CACNA1C: variants seen among roughly 807,000 people sequenced by gnomAD.
CACNA1C encodes the protein voltage-dependent L-type calcium channel subunit alpha-1C.
In CACNA1C, 30 loss-of-function variants were observed where a neutral mutation model predicts 229.0. That is an observed-to-expected ratio of 0.13 (90% CI 0.10 to 0.18). The LOEUF (loss-of-function observed/expected upper bound fraction) is 0.18. Among genes scored for constraint, CACNA1C ranks in the 10% least tolerant of loss-of-function variants. The pLI is 1.00. For missense variants in CACNA1C, 1,658 were observed against 2,845.0 expected (o/e 0.58, Z 9.49); for synonymous variants, 1,114 against 1,132.5 (o/e 0.98, Z 0.33).
intron 1 of CACNA1C, among the ~76,000 whole-genome samples, chr12:2,013,346 A>C (rs1423146446): frequency 6.6e-6 from 1 of 152,230 alleles, no homozygotes; most frequent in Non-Finnish European, 1.5e-5. Context: ...TCCTGAGAAT[A>C]GCAAGATTTA....
At chr12:2,200,219 G>T (rs958788747) in intron 3 of CACNA1C, among the ~76,000 whole-genome samples, 18 of 152,186 alleles carry the variant, frequency 1.2e-4, no homozygotes, top group Admixed American at 5.9e-4. Flanking sequence ...CATTAGGAAG[G>T]TTAGTAATGT....
chr12:2,607,044 C>T lies in CACNA1C; in HGVS notation c.3270C>T (p.Ser1090=). The change falls in exon 26 of 47, where the codon AGC becomes AGT. Residue 1090 remains serine, a synonymous_variant. Coordinates refer to ENST00000399655, the MANE Select transcript of CACNA1C (RefSeq NM_000719.7). The part of the protein sequence containing the change: ...EVDHPIIQPR[S]WENSKFDFDN... ...ACCACCCCATCATCCAACCCCGCAG[C>T]TGGGAGAACAGCAAGTTTGACTTTG... The T allele has an allele frequency of 6.2e-7, 1 of 1,614,008 alleles. No homozygotes were observed. The highest frequency in any genetic ancestry group is 1.1e-5 in the South Asian group (1 of 91,076).
At chr12:1,992,773 T>C (rs2039762190) in intron 1 of CACNA1C, 1 of 202,206 alleles carries the variant, frequency 4.9e-6, no homozygotes, top group African/African-American at 2.3e-5. Flanking sequence ...TGAAAGAAAC[T>C]TTTTGGACTT....
At chr12:2,040,782 G>A (rs558406083) in intron 1 of CACNA1C, among the ~76,000 whole-genome samples, 1 of 152,198 alleles carries the variant, frequency 6.6e-6, no homozygotes, top group Non-Finnish European at 1.5e-5. Context: ...TAAGTACCCT[G>A]CTATGTCTAT....
At chr12:2,377,933 G>A (rs539882072) in intron 3 of CACNA1C, among the ~76,000 whole-genome samples, 4 of 152,148 alleles carry the variant, frequency 2.6e-5, no homozygotes, top group Admixed American at 6.5e-5. Flanking sequence ...GAGTGCTCCC[G>A]TAAGCTTTGG....
chr12:2,638,391 T>C (rs945413403), intron 30 of CACNA1C, among the ~76,000 whole-genome samples: 1 of 151,560 alleles, frequency 6.6e-6, no homozygotes, highest in East Asian at 2.0e-4. Flanking sequence ...ACCTGGCTGG[T>C]GCGGACTGAG....
At chr12:2,355,080 C>A (rs1417304954) in intron 3 of CACNA1C, among the ~76,000 whole-genome samples, 1 of 151,434 alleles carries the variant, frequency 6.6e-6, no homozygotes, top group Non-Finnish European at 1.5e-5. Context: ...CCAACTCTGC[C>A]CGCTTCCCCG....
chr12:2,299,504 C>T (rs968261256), intron 3 of CACNA1C, among the ~76,000 whole-genome samples: 6 of 152,064 alleles, frequency 3.9e-5, no homozygotes, highest in African/African-American at 1.4e-4. Context: ...ATGCTATGGA[C>T]AGAGGGGTTC....
At chr12:2,229,879 G>A (rs1359780196) in intron 3 of CACNA1C, among the ~76,000 whole-genome samples, 1 of 152,172 alleles carries the variant, frequency 6.6e-6, no homozygotes, top group African/African-American at 2.4e-5. Context: ...GGCAGCTTTT[G>A]CCCGGAAGGA....
At chr12:2,572,932 TCTC>T (rs1331790939) in intron 13 of CACNA1C, among the ~76,000 whole-genome samples, 8 of 121,030 alleles carry the variant, frequency 6.6e-5, no homozygotes, top group Admixed American at 2.5e-4. Flanking sequence ...CTCCTCCTCC[TCTC>T]CTCCTCCTTC....
chr12:1,978,110 A>G (rs2034992520), intron 1 of CACNA1C, among the ~76,000 whole-genome samples: 1 of 152,330 alleles, frequency 6.6e-6, no homozygotes, highest in East Asian at 1.9e-4. Flanking sequence ...TACGGTTTCC[A>G]TATTTTTGGC....
intron 1 of CACNA1C, chr12:1,998,106 T>A: frequency 1.4e-6 from 1 of 697,370 alleles, no homozygotes; most frequent in Non-Finnish European, 2.3e-6. Flanking sequence ...TGAGGAGTTA[T>A]TCTCAGGAAA....
chr12:2,651,893 C>T lies in CACNA1C; in HGVS notation c.4074+125C>T, dbSNP rs1439858376. On this transcript the variant is annotated intron_variant, in intron 32 of 46. Transcript: ENST00000399655. The surrounding 1 kb of genome is among the most constrained non-coding windows in gnomAD (Gnocchi z 5.4). ...GCTCCTTCCTCTGTGTGGCAGAACT[C>T]GGCCGCTCTGCCTGGCTCCCTGTTT... The T allele has an allele frequency of 2.0e-5, 15 of 744,790 alleles. No individual in the cohort carries two copies. Among genetic ancestry groups the T allele is most frequent in the Middle Eastern group, 7.4e-4 (2 of 2,686 alleles). The allele number at this position is 744,790 out of a possible 1,614,324, so 46.1% of individuals were successfully genotyped here. A position where few individuals can be genotyped will look rare whatever the true frequency, so the allele number is the denominator to read the frequency against.
chr12:2,494,649 G>A (rs2099743040), intron 7 of CACNA1C, among the ~76,000 whole-genome samples: 1 of 152,226 alleles, frequency 6.6e-6, no homozygotes, highest in Admixed American at 6.5e-5. Context: ...TGCCAAGAGA[G>A]GCGTTGACTT....
chr12:2,609,673 G>A (rs770042596), intron 27 of CACNA1C, among the ~76,000 whole-genome samples: 74 of 151,548 alleles, frequency 4.9e-4, no homozygotes, highest in Non-Finnish European at 9.0e-4. Flanking sequence ...AGAAGAAGCT[G>A]GGGACATTCC....
intron 3 of CACNA1C, among the ~76,000 whole-genome samples, chr12:2,363,127 C>T (rs903115176): frequency 3.9e-5 from 6 of 152,144 alleles, no homozygotes; most frequent in Non-Finnish European, 7.4e-5. Flanking sequence ...GAACACTCCC[C>T]TCACCCAAGA....
chr12:2,053,371 T>G lies in CACNA1C; in HGVS notation c.-192T>G, dbSNP rs1213333128. 7 of 1,365,316 alleles carry G rather than the reference T, an allele frequency of 5.1e-6. No homozygotes were observed. The highest frequency in any genetic ancestry group is 5.7e-5 in the East Asian group (2 of 34,876). 84.6% of individuals were successfully genotyped at this position (1,365,316 alleles called of 1,614,324 possible). On this transcript the variant is annotated 5_prime_UTR_variant, in exon 1 of 47. Transcript: ENST00000399655. This position sits in a 1 kb window ranked among gnomAD's most constrained non-coding sequence, Gnocchi z 5.8. ...GGCAGTAGTGGAAAGGAGCAGTTTTTGGGGTTTGATGCCATAATGGGAATC... is the reference window on the plus strand; with the variant it reads ...GGCAGTAGTGGAAAGGAGCAGTTTTGGGGGTTTGATGCCATAATGGGAATC...
chr12:2,002,021 T>A (rs923216636), intron 1 of CACNA1C, among the ~76,000 whole-genome samples: 2 of 152,224 alleles, frequency 1.3e-5, no homozygotes, highest in Admixed American at 1.3e-4. Context: ...GGGGCAGTCT[T>A]TCCTGGCAAC....
chr12:2,572,316 TC>T (rs2055088437), intron 13 of CACNA1C, among the ~76,000 whole-genome samples: 1 of 143,094 alleles, frequency 7.0e-6, no homozygotes, highest in African/African-American at 2.6e-5. Flanking sequence ...CTCCTCCTCC[TC>T]CTCTTCCTCC....
Sources: gnomAD v4.1 joint callset for allele counts (sites outside exome capture counted in the v4.1 genomes callset) on GRCh38, gnomAD v4.1.1 for gene constraint, Gnocchi (gnomAD v3.1) non-coding constraint, MANE v1.5 for transcripts, NCBI Gene and HGNC (gene_info 2026-07-23, HGNC 2026-07-21) for gene names.